Variants in RALGDS observed in about 807,000 individuals in gnomAD.
The protein encoded by RALGDS is ral guanine nucleotide exchange factor.
In RALGDS, 44 loss-of-function variants were observed where a neutral mutation model predicts 99.8. That is an observed-to-expected ratio of 0.44 (90% CI 0.35 to 0.57). The LOEUF is 0.57. Ranked by LOEUF, RALGDS falls within the 20% of genes least tolerant of loss-of-function variation. The probability of loss-of-function intolerance (pLI) is 0.01; values close to 1 mark genes in which losing one functional copy is unlikely to be tolerated. For synonymous variants in RALGDS, 529 were observed against 505.0 expected, an observed-to-expected ratio of 1.05 and a Z score of -0.64; for missense variants, 1,022 against 1,203.1, an observed-to-expected ratio of 0.85 and a Z score of 2.23.
At chr9:133,143,956 G>A (rs977631599) in intron 1 of RALGDS, among the ~76,000 whole-genome samples, 2 of 151,698 alleles carry the variant, frequency 1.3e-5, no homozygotes, top group African/African-American at 4.8e-5. Flanking sequence ...ACACTGCCTC[G>A]CCCCTTTGTA....
chr9:133,121,124 C>T lies in RALGDS; in HGVS notation c.31G>A (p.Gly11Arg). 9 of 1,455,428 alleles carry T rather than the reference C, an allele frequency of 6.2e-6. No individual in the cohort carries two copies. The highest frequency in any genetic ancestry group is 8.1e-6 in the Non-Finnish European group (9 of 1,108,716). The allele number at this position is 1,455,428 out of a possible 1,614,324, so 90.2% of individuals were successfully genotyped here. A position where few individuals can be genotyped will look rare whatever the true frequency, so the allele number is the denominator to read the frequency against. Reference sequence around the variant, plus strand: ...AGCGGCTCGGCGCCGCCAGCAGGCCCGGCCGCCTCGGCCCACATGCGCTGC... The same window carrying T: ...AGCGGCTCGGCGCCGCCAGCAGGCCTGGCCGCCTCGGCCCACATGCGCTGC... MVQRMWAEAAGPAGGAEPLFP... is the reference protein window; with the variant it reads MVQRMWAEAARPAGGAEPLFP... Residue 11 changes from glycine to arginine, a missense_variant, in exon 1 of 18, where the codon GGG becomes AGG. Physicochemically the swap from Gly to Arg is moderately radical, Grantham distance 125. This residue lies in a region of RALGDS where 180 missense variants were observed against 169.3 expected (regional missense o/e 1.06). Coordinates refer to ENST00000372050, the MANE Select transcript of RALGDS (RefSeq NM_006266.4).
chr9:133,113,378 C>A (rs1197888527), intron 1 of RALGDS, among the ~76,000 whole-genome samples: 1 of 152,164 alleles, frequency 6.6e-6, no homozygotes, highest in Non-Finnish European at 1.5e-5. Flanking sequence ...CCTCAGAGGC[C>A]CAGGAGCCAT....
At chr9:133,124,535 T>G (rs1394252551), upstream of RALGDS, among the ~76,000 whole-genome samples, 2 of 138,502 alleles carry the variant, frequency 1.4e-5, no homozygotes, top group African/African-American at 2.7e-5. Flanking sequence ...AAAAAACAAG[T>G]TTGAGATAGA....
upstream of RALGDS, among the ~76,000 whole-genome samples, chr9:133,134,943 T>G (rs1325218489): frequency 6.6e-6 from 1 of 152,142 alleles, no homozygotes; most frequent in East Asian, 1.9e-4. Flanking sequence ...ACTCTCAGGT[T>G]TGCGCTCCCA....
At chr9:133,107,610 A>G (rs1831136515) in intron 6 of RALGDS, among the ~76,000 whole-genome samples, 1 of 151,652 alleles carries the variant, frequency 6.6e-6, no homozygotes, top group Non-Finnish European at 1.5e-5. Flanking sequence ...GGCTTTGTCC[A>G]GTGTCTGCCA....
chr9:133,133,086 C>T (rs147089539), upstream of RALGDS, among the ~76,000 whole-genome samples: 1 of 152,274 alleles, frequency 6.6e-6, no homozygotes, highest in African/African-American at 2.4e-5. Flanking sequence ...TTGCATCTCT[C>T]ACACAAGCTT....
chr9:133,102,408 C>G (rs1471630515), intron 14 of RALGDS, 68 bp downstream of exon 14: 1 of 1,528,044 alleles, frequency 6.5e-7, no homozygotes, highest in Non-Finnish European at 9.1e-7. Context: ...CTCCCTGAGC[C>G]CAGGCTCAGC....
intron 1 of RALGDS, among the ~76,000 whole-genome samples, chr9:133,129,792 C>A (rs1235501089): frequency 6.6e-6 from 1 of 150,486 alleles, no homozygotes; most frequent in Non-Finnish European, 1.5e-5. Context: ...GGCACCCAGG[C>A]ACGAGATTTC....
At chr9:133,100,619 C>A (rs747728815) in intron 16 of RALGDS, 8 of 1,403,844 alleles carry the variant, frequency 5.7e-6, no homozygotes, top group Admixed American at 2.8e-5. Flanking sequence ...TCTGTCCCAG[C>A]AGTGCCTACC....
At chr9:133,124,777 T>C (rs1832094369), upstream of RALGDS, among the ~76,000 whole-genome samples, 1 of 152,244 alleles carries the variant, frequency 6.6e-6, no homozygotes, top group Non-Finnish European at 1.5e-5. Context: ...TGAGGCCTCC[T>C]GTAAGCTGTG....
At chr9:133,103,603 CTG>C (rs777912331) in intron 11 of RALGDS, 142 bp downstream of exon 11, 82 of 896,386 alleles carry the variant, frequency 9.1e-5, no homozygotes, top group Non-Finnish European at 1.5e-4. Flanking sequence ...TGCTGCAGCT[CTG>C]TGTTTGGGCA....
At chr9:133,136,171 G>A (rs1462525344) in intron 1 of RALGDS, among the ~76,000 whole-genome samples, 7 of 152,190 alleles carry the variant, frequency 4.6e-5, no homozygotes, top group Admixed American at 2.0e-4. Flanking sequence ...ATCACCTTTG[G>A]CCTAGGTCAT....
chr9:133,102,801 C>T lies in RALGDS; in HGVS notation c.1891G>A (p.Glu631Lys). 6.2e-7 allele frequency: 1 copy of T among 1,613,016 alleles called. No homozygotes were observed. The highest frequency in any genetic ancestry group is 2.2e-5 in the East Asian group (1 of 44,876). The part of the protein sequence containing the change: ...EQFGAWFRAV[E>K]RLSETESYNL... ...CACCTCTCAGTCTCGCTGAGCCGCT[C>T]CACGGCCCGGAACCAGGCCCCAAAT... Residue 631 changes from glutamate to lysine, a missense_variant, in exon 13 of 18, where the codon GAG (glutamate) becomes AAG (lysine). By Grantham distance (56) the Glu-to-Lys change is moderately conservative. Transcript: ENST00000372050.
upstream of RALGDS, among the ~76,000 whole-genome samples, chr9:133,124,205 T>C (rs566240302): frequency 4.0e-5 from 5 of 123,708 alleles, no homozygotes; most frequent in South Asian, 5.3e-4. Context: ...CAGAGACACA[T>C]AGAGACAGAG....
intron 2 of RALGDS, among the ~76,000 whole-genome samples, chr9:133,111,559 G>A (rs1275465416): frequency 3.3e-5 from 5 of 152,194 alleles, no homozygotes; most frequent in Non-Finnish European, 7.3e-5. Flanking sequence ...GGGATTACAG[G>A]CATGAGCCAC....
At chr9:133,129,386 C>A (rs552726181) in intron 1 of RALGDS, 26 of 1,468,026 alleles carry the variant, frequency 1.8e-5, no homozygotes, top group Non-Finnish European at 2.2e-5. Context: ...TCGTCGCCTG[C>A]GTGCCCTAGT....
rs771738406 is a variant in RALGDS, at chr9:133,107,144, G to A, written c.1354C>T (p.Arg452Ter). 3.1e-6 allele frequency: 5 copies of A among 1,613,796 alleles called. No homozygotes were observed. Among genetic ancestry groups the A allele is most frequent in the Admixed American group, 1.7e-5 (1 of 60,036 alleles). The part of the protein sequence containing the change: ...NCVITTCLGN[R>*]STKAPDRARV... ...GCCCTGTCTGGGGCTTTCGTGCTTCGGTTCCCGAGGCAGGTGGTGATGACA... is the reference window on the plus strand; with the variant it reads ...GCCCTGTCTGGGGCTTTCGTGCTTCAGTTCCCGAGGCAGGTGGTGATGACA... The change falls in exon 7 of 18, where the codon CGA (arginine) becomes TGA (stop). Residue 452 changes from arginine to a stop codon, truncating the protein, a stop_gained. Coordinates refer to ENST00000372050, the MANE Select transcript of RALGDS (RefSeq NM_006266.4). LOFTEE classifies it high-confidence loss of function.
upstream of RALGDS, among the ~76,000 whole-genome samples, chr9:133,123,368 G>A (rs1832015527): frequency 1.3e-5 from 2 of 152,198 alleles, no homozygotes; most frequent in South Asian, 2.1e-4. Context: ...TGACTCATGA[G>A]GACATAGAGG....
intron 9 of RALGDS, 140 bp from the exon 10 acceptor site, chr9:133,104,471 G>C: frequency 1.3e-6 from 1 of 772,256 alleles, no homozygotes; most frequent in Non-Finnish European, 2.2e-6. Context: ...TGGGCCGGTG[G>C]CCTGGCCTTC....
Sources: gnomAD v4.1 joint callset for allele counts (sites outside exome capture counted in the v4.1 genomes callset) on GRCh38, gnomAD v4.1.1 for gene constraint, gnomAD v4.1.1 regional missense constraint, MANE v1.5 for transcripts, NCBI Gene and HGNC (gene_info 2026-07-23, HGNC 2026-07-21) for gene names.